Variants in SEC63 observed in about 807,000 individuals in gnomAD.
SEC63 encodes SEC63 protein translocation regulator, also known as translocation protein SEC63 homolog.
SEC63 carries 56 observed loss-of-function variants against 116.2 expected under a neutral mutation model. That is an observed-to-expected ratio of 0.48 (90% CI 0.39 to 0.60). SEC63 has a LOEUF of 0.60. Among genes scored for constraint, SEC63 ranks in the 20% least tolerant of loss-of-function variants. The pLI is 0.00. For synonymous variants in SEC63, 273 were observed against 294.6 expected (o/e 0.93, Z 0.75); for missense variants, 668 against 900.0 (o/e 0.74, Z 3.30).
chr6:107,950,469 C>T (rs374267251), intron 1 of SEC63, among the ~76,000 whole-genome samples: 8 of 152,168 alleles, frequency 5.3e-5, no homozygotes, highest in Non-Finnish European at 1.0e-4. Context: ...GCAGCACATA[C>T]ATTGTTCAGA....
At position 107,944,124 on chromosome 6, in the gene SEC63, A is replaced by G. The variant is rs534730273; in HGVS notation, c.124+13762T>C. Among the ~76,000 whole-genome samples the G allele has an allele frequency of 3.3e-5, 5 of 152,332 alleles. No homozygotes were observed. In the East Asian group the frequency reaches 9.6e-4, roughly 29 times the overall value. On this transcript the variant is annotated intron_variant, in intron 1 of 20. Coordinates refer to ENST00000369002, the MANE Select transcript of SEC63 (RefSeq NM_007214.5). ...AGTAGTCTGAAAGTGGAGTATGAGA[A>G]AGAGATGAATCAAGAGTAACTTCTA...
chr6:107,923,380 C>T (rs1295531600), intron 3 of SEC63, among the ~76,000 whole-genome samples: 1 of 152,132 alleles, frequency 6.6e-6, no homozygotes, highest in Admixed American at 6.5e-5. Flanking sequence ...TCCCAAAGTA[C>T]TGATATTATA....
chr6:107,890,389 A>T (rs1385415816), intron 16 of SEC63, among the ~76,000 whole-genome samples: 1 of 152,150 alleles, frequency 6.6e-6, no homozygotes, highest in East Asian at 1.9e-4. Flanking sequence ...TAGGATTATA[A>T]ACCCTGCTTT....
At chr6:107,954,118 A>T (rs1043787261) in intron 1 of SEC63, among the ~76,000 whole-genome samples, 5 of 152,174 alleles carry the variant, frequency 3.3e-5, no homozygotes, top group African/African-American at 1.2e-4. Flanking sequence ...TTTGTTCTGT[A>T]CTAGGAAAAA....
At chr6:107,914,712 G>A (rs1042137523) in intron 4 of SEC63, among the ~76,000 whole-genome samples, 3 of 152,112 alleles carry the variant, frequency 2.0e-5, no homozygotes, top group African/African-American at 7.2e-5. Flanking sequence ...TAGATCCCCT[G>A]TACAACTGTC....
intron 3 of SEC63, among the ~76,000 whole-genome samples, chr6:107,922,761 A>G (rs907125166): frequency 6.6e-6 from 1 of 152,194 alleles, no homozygotes; most frequent in African/African-American, 2.4e-5. Context: ...CAATAAGAAA[A>G]AAATCACATG....
intron 16 of SEC63, among the ~76,000 whole-genome samples, chr6:107,886,095 G>A (rs1032147718): frequency 2.6e-5 from 4 of 152,156 alleles, no homozygotes; most frequent in African/African-American, 9.7e-5. Flanking sequence ...ACTTATGAGT[G>A]AGAACATGGC....
intron 1 of SEC63, among the ~76,000 whole-genome samples, chr6:107,934,431 G>C (rs1335544980): frequency 6.9e-6 from 1 of 145,080 alleles, no homozygotes; most frequent in Admixed American, 6.9e-5. Context: ...TGGGATGTGA[G>C]AGTGCCCGGC....
At chr6:107,928,529 AAAGTAAAACCTT>A (rs1396822726) in intron 2 of SEC63, among the ~76,000 whole-genome samples, 2 of 152,104 alleles carry the variant, frequency 1.3e-5, no homozygotes, top group African/African-American at 4.8e-5. Context: ...TAAATTAGGT[AAAGTAAAACCTT>A]ACAAAGAAAA....
chr6:107,886,382 G>C (rs998609265), intron 16 of SEC63, among the ~76,000 whole-genome samples: 1 of 152,132 alleles, frequency 6.6e-6, no homozygotes, highest in Admixed American at 6.5e-5. Context: ...CCCAGTAATG[G>C]GATTGCTGGG....
At position 107,881,115 on chromosome 6, in the gene SEC63, GAATAAGGAACACAGT is replaced by G; in HGVS notation, c.1935+19_1935+33del. 1 of 1,413,000 alleles carries G rather than the reference GAATAAGGAACACAGT, an allele frequency of 7.1e-7. No homozygotes were observed. Among genetic ancestry groups the G allele is most frequent in the Non-Finnish European group, 1.0e-6 (1 of 999,030 alleles). 87.5% of individuals were successfully genotyped at this position (1,413,000 alleles called of 1,614,324 possible). On this transcript the variant is annotated intron_variant, in intron 18 of 20. Coordinates refer to ENST00000369002, the MANE Select transcript of SEC63 (RefSeq NM_007214.5). The stretch of plus-strand genomic sequence containing the variant: ...CAAATCCCTGAGGAGAAAGTGAATG[GAATAAGGAACACAGT>G]AGCCTGTATATAACTCACCTCAGGA...
chr6:107,913,550 GA>G, intron 4 of SEC63, 123 bp from the exon 5 acceptor site: 1 of 770,444 alleles, frequency 1.3e-6, no homozygotes, highest in South Asian at 1.4e-5. Context: ...CATGAATCAA[GA>G]AAAGTTTCTC....
chr6:107,935,485 C>A (rs1169033256), intron 1 of SEC63, among the ~76,000 whole-genome samples: 3 of 149,824 alleles, frequency 2.0e-5, no homozygotes, highest in African/African-American at 7.4e-5. Context: ...TGATCGGTGA[C>A]CTTACCCCCA....
intron 1 of SEC63, among the ~76,000 whole-genome samples, chr6:107,944,199 A>AGGG (rs1770434992): frequency 6.6e-6 from 1 of 152,230 alleles, no homozygotes. Context: ...AAAATAAAGA[A>AGGG]TGACTCCCAA....
At chr6:107,934,390 G>A (rs1249696378) in intron 1 of SEC63, among the ~76,000 whole-genome samples, 1 of 151,116 alleles carries the variant, frequency 6.6e-6, no homozygotes, top group African/African-American at 2.4e-5. Flanking sequence ...CGCCTGAGAT[G>A]TGGGAAGCGT....
chr6:107,893,788 A>G (rs768209769), intron 15 of SEC63, 50 bp downstream of exon 15: 14 of 1,607,222 alleles, frequency 8.7e-6, no homozygotes, highest in Non-Finnish European at 1.0e-5. Flanking sequence ...AAAAGTAAAT[A>G]AAATATTTCT....
Position 107,880,758 on chromosome 6 carries a change from T to G in SEC63, c.1935+391A>C, listed in dbSNP as rs77683305. On this transcript the variant is annotated intron_variant, in intron 18 of 20. Transcript: ENST00000369002. ...ATCCTCAGAGAGAAAATTTAAGAAT[T>G]TTTTCATCCGATTTAAAACTTGGCA... Among the ~76,000 whole-genome samples the G allele has an allele frequency of 6.5e-3, 991 of 152,246 alleles. 12 individuals are homozygous for G. The highest frequency in any genetic ancestry group is 0.012 in the Non-Finnish European group (783 of 68,018).
At chr6:107,892,684 A>C (rs1786711877) in intron 16 of SEC63, among the ~76,000 whole-genome samples, 1 of 152,176 alleles carries the variant, frequency 6.6e-6, no homozygotes, top group Non-Finnish European at 1.5e-5. Context: ...CAAGACAAAC[A>C]ACCCAATAGA....
chr6:107,913,553 A>G, intron 4 of SEC63, 126 bp from the exon 5 acceptor site: 1 of 766,512 alleles, frequency 1.3e-6, no homozygotes, highest in Non-Finnish European at 2.3e-6. Context: ...GAATCAAGAA[A>G]AGTTTCTCTG....
Sources: allele counts gnomAD v4.1 joint callset (sites outside exome capture counted in the v4.1 genomes callset), GRCh38; gene constraint gnomAD v4.1.1; transcripts MANE v1.5; gene names NCBI Gene and HGNC (gene_info 2026-07-23, HGNC 2026-07-21).